Variants in SPAG16 observed in about 807,000 individuals in gnomAD.
SPAG16 encodes sperm-associated antigen 16 protein.
SPAG16 carries 86 observed loss-of-function variants against 80.4 expected under a neutral mutation model. That is an observed-to-expected ratio of 1.07 (90% CI 0.90 to 1.28). The LOEUF (loss-of-function observed/expected upper bound fraction) is 1.28, where lower values mean the gene tolerates loss of function less well. Among genes scored for constraint, SPAG16 ranks in the 50% most tolerant of loss-of-function variants. The pLI is 0.00. For missense variants in SPAG16, 870 were observed against 765.3 expected (o/e 1.14, Z -1.61); for synonymous variants, 294 against 265.9 (o/e 1.11, Z -1.03).
At chr2:213,913,498 CTGTGTG>C (rs143573914) in intron 11 of SPAG16, among the ~76,000 whole-genome samples, 1 of 136,512 alleles carries the variant, frequency 7.3e-6, no homozygotes, top group African/African-American at 2.6e-5. Flanking sequence ...GTCTGTGTGT[CTGTGTG>C]TGTGTGTGTG....
At chr2:213,751,024 A>G (rs188453184) in intron 10 of SPAG16, among the ~76,000 whole-genome samples, 27 of 152,336 alleles carry the variant, frequency 1.8e-4, no homozygotes, top group African/African-American at 6.5e-4. Flanking sequence ...AAAGTTATTT[A>G]AAATTTCATA....
chr2:214,356,059 T>G, intron 15 of SPAG16, among the ~76,000 whole-genome samples: 1 of 146,736 alleles, frequency 6.8e-6, no homozygotes, highest in East Asian at 2.1e-4. Context: ...CATTAGGAGA[T>G]ATACCTAATG....
At chr2:214,226,608 G>C (rs1317178301) in intron 15 of SPAG16, among the ~76,000 whole-genome samples, 1 of 151,982 alleles carries the variant, frequency 6.6e-6, no homozygotes, top group East Asian at 1.9e-4. Flanking sequence ...TGTGGTTGCA[G>C]TGCCTAGAAC....
At position 213,971,113 on chromosome 2, in the gene SPAG16, C is replaced by A. The variant is rs374436259; in HGVS notation, c.1400+40968C>A. Among the ~76,000 whole-genome samples, 107 of 152,222 alleles carry A rather than the reference C, an allele frequency of 7.0e-4. 1 individual carries two copies. The South Asian group carries it at 0.015, about 22-fold the overall frequency. On this transcript the variant is annotated intron_variant, in intron 12 of 15. Coordinates refer to ENST00000331683, the MANE Select transcript of SPAG16 (RefSeq NM_024532.5). ...CTAGTTAATAATTAAGATAAGCATT[C>A]TTCCACTAAAGTTATATAGTTTATT...
chr2:214,323,994 A>T (rs1378729728), intron 15 of SPAG16, among the ~76,000 whole-genome samples: 1 of 152,248 alleles, frequency 6.6e-6, no homozygotes, highest in Non-Finnish European at 1.5e-5. Flanking sequence ...CCTAATGATT[A>T]AAAGGTCTGA....
intron 15 of SPAG16, among the ~76,000 whole-genome samples, chr2:214,189,291 C>T (rs1485296875): frequency 6.6e-6 from 1 of 151,698 alleles, no homozygotes; most frequent in Non-Finnish European, 1.5e-5. Flanking sequence ...CTTTTGAGAA[C>T]AGAAGACTAA....
intron 5 of SPAG16, among the ~76,000 whole-genome samples, chr2:213,334,696 C>G (rs2064266575): frequency 6.6e-6 from 1 of 152,116 alleles, no homozygotes; most frequent in South Asian, 2.1e-4. Flanking sequence ...TGAAATAACC[C>G]AGGCATGGAA....
intron 15 of SPAG16, among the ~76,000 whole-genome samples, chr2:214,343,092 C>T (rs148960784): frequency 1.3e-5 from 2 of 151,642 alleles, no homozygotes; most frequent in African/African-American, 4.8e-5. Flanking sequence ...AAGATACTGC[C>T]AAAAATGCCA....
Position 213,833,035 on chromosome 2 carries a change from T to C in SPAG16, c.1071-29450T>C, listed in dbSNP as rs543039175. On this transcript the variant is annotated intron_variant, in intron 10 of 15. Transcript: ENST00000331683. ...GATTCAAATTTCCTTTGAATTTCAG[T>C]CTTCAATTACTGTGCTGCCTTCTCT... Among the ~76,000 whole-genome samples, 26 of 152,226 alleles carry C rather than the reference T, an allele frequency of 1.7e-4. 1 individual carries two copies. The highest frequency in any genetic ancestry group is 5.8e-4 in the African/African-American group (24 of 41,554).
chr2:214,114,284 C>T (rs1229957919), intron 14 of SPAG16, among the ~76,000 whole-genome samples: 2 of 152,202 alleles, frequency 1.3e-5, no homozygotes, highest in Admixed American at 1.3e-4. Flanking sequence ...ACACAGGGGT[C>T]AGGGACCCAC....
intron 13 of SPAG16, among the ~76,000 whole-genome samples, chr2:214,080,220 C>CTA: frequency 6.6e-6 from 1 of 152,076 alleles, no homozygotes; most frequent in Non-Finnish European, 1.5e-5. Flanking sequence ...GACATTAAAA[C>CTA]CATCAACAAA....
At chr2:213,736,603 C>T (rs2067293026) in intron 10 of SPAG16, among the ~76,000 whole-genome samples, 2 of 151,858 alleles carry the variant, frequency 1.3e-5, no homozygotes, top group African/African-American at 2.4e-5. Flanking sequence ...AAGTGTGTTT[C>T]ACAGGGGTAA....
intron 15 of SPAG16, among the ~76,000 whole-genome samples, chr2:214,215,496 G>A (rs1328372721): frequency 6.6e-6 from 1 of 152,044 alleles, no homozygotes; most frequent in Non-Finnish European, 1.5e-5. Flanking sequence ...CTTCTCCCCA[G>A]TGCAACATTA....
At chr2:213,616,820 G>T (rs2061612059) in intron 10 of SPAG16, among the ~76,000 whole-genome samples, 2 of 152,108 alleles carry the variant, frequency 1.3e-5, no homozygotes, top group Admixed American at 1.3e-4. Flanking sequence ...GGGTACTCTG[G>T]CTAATTTAAA....
chr2:213,613,927 G>T (rs2061516405), intron 10 of SPAG16, among the ~76,000 whole-genome samples: 1 of 152,196 alleles, frequency 6.6e-6, no homozygotes, highest in Admixed American at 6.5e-5. Context: ...GTTTCAAATA[G>T]AAACTGATGT....
chr2:214,272,420 T>G (rs1430742464), intron 15 of SPAG16, among the ~76,000 whole-genome samples: 1 of 152,154 alleles, frequency 6.6e-6, no homozygotes, highest in Non-Finnish European at 1.5e-5. Context: ...ACATTAGGTA[T>G]TTGTCCTAAT....
At chr2:214,274,564 T>C (rs974179100) in intron 15 of SPAG16, among the ~76,000 whole-genome samples, 2 of 152,208 alleles carry the variant, frequency 1.3e-5, no homozygotes, top group Non-Finnish European at 2.9e-5. Flanking sequence ...TCATATGGTT[T>C]TTGTCATTGG....
intron 7 of SPAG16, among the ~76,000 whole-genome samples, chr2:213,362,850 A>T (rs1039478046): frequency 6.6e-6 from 1 of 152,164 alleles, no homozygotes; most frequent in Non-Finnish European, 1.5e-5. Flanking sequence ...TAGAAGAAGT[A>T]TAGCACCAGC....
intron 15 of SPAG16, among the ~76,000 whole-genome samples, chr2:214,212,169 C>T (rs931747611): frequency 6.6e-6 from 1 of 152,050 alleles, no homozygotes; most frequent in African/African-American, 2.4e-5. Flanking sequence ...TGGTTTACCC[C>T]TCTCTAAATT....
Sources: allele counts gnomAD v4.1 joint callset (sites outside exome capture counted in the v4.1 genomes callset), GRCh38; gene constraint gnomAD v4.1.1; transcripts MANE v1.5; gene names NCBI Gene and HGNC (gene_info 2026-07-23, HGNC 2026-07-21).